The following PARN variants were observed in gnomAD, a reference collection of about 807,000 sequenced individuals.
PARN encodes the protein poly(A)-specific ribonuclease PARN.
Under a neutral mutation model 102.8 loss-of-function variants are expected in PARN, and 71 were observed. That is an observed-to-expected ratio of 0.69 (90% confidence interval 0.57 to 0.84). The LOEUF is 0.84. Ranked by LOEUF, PARN falls within the 40% of genes least tolerant of loss-of-function variation. The pLI, the probability that PARN is intolerant of heterozygous loss-of-function variation, is 0.00. For synonymous variants in PARN, 261 were observed against 252.9 expected (o/e 1.03, Z -0.30); for missense variants, 782 against 760.9 (o/e 1.03, Z -0.33).
intron 21 of PARN, among the ~76,000 whole-genome samples, chr16:14,497,139 C>T (rs560537284): frequency 1.3e-5 from 2 of 152,150 alleles, no homozygotes; most frequent in Admixed American, 6.5e-5. Flanking sequence ...CACTCTCATA[C>T]GTCCTTTTCT....
chr16:14,567,930 G>A (rs1012185436), intron 18 of PARN, among the ~76,000 whole-genome samples: 1 of 152,208 alleles, frequency 6.6e-6, no homozygotes, highest in African/African-American at 2.4e-5. Context: ...CAGTTATAAA[G>A]TGTTTTCTTA....
intron 18 of PARN, among the ~76,000 whole-genome samples, chr16:14,569,187 G>A (rs1430119052): frequency 1.3e-5 from 2 of 151,742 alleles, no homozygotes. Context: ...ACTCCAGCCT[G>A]GGCGATGGAG....
intron 21 of PARN, among the ~76,000 whole-genome samples, chr16:14,534,221 G>GAAAAAAA (rs1214382920): frequency 1.7e-5 from 1 of 59,386 alleles, no homozygotes. Flanking sequence ...CCCTGTCTCA[G>GAAAAAAA]AAAAAAAAAA....
chr16:14,459,913 C>T (rs950516599), intron 22 of PARN, among the ~76,000 whole-genome samples: 1 of 152,094 alleles, frequency 6.6e-6, no homozygotes, highest in African/African-American at 2.4e-5. Context: ...TAAAATAGTG[C>T]TGGAATAATT....
chr16:14,580,381 G>C (rs1188121911), intron 18 of PARN, among the ~76,000 whole-genome samples: 1 of 151,852 alleles, frequency 6.6e-6, no homozygotes, highest in Non-Finnish European at 1.5e-5. Flanking sequence ...TCTGCCACCT[G>C]GGTTGAAGCA....
At chr16:14,515,858 T>G (rs1307618867) in intron 21 of PARN, among the ~76,000 whole-genome samples, 2 of 152,134 alleles carry the variant, frequency 1.3e-5, no homozygotes, top group African/African-American at 2.4e-5. Flanking sequence ...GAGGATTGCT[T>G]GAGGCCAGGA....
chr16:14,517,382 A>G (rs557445918), intron 21 of PARN, among the ~76,000 whole-genome samples: 1 of 152,276 alleles, frequency 6.6e-6, no homozygotes. Context: ...ACATGGGGAG[A>G]GGCTCCCACT....
intron 18 of PARN, among the ~76,000 whole-genome samples, chr16:14,579,127 C>G (rs1435393047): frequency 6.6e-6 from 1 of 152,020 alleles, no homozygotes; most frequent in Non-Finnish European, 1.5e-5. Flanking sequence ...GCTGGGAATA[C>G]AGGCTAATTT....
intron 21 of PARN, among the ~76,000 whole-genome samples, chr16:14,494,868 A>T (rs1028456705): frequency 6.6e-6 from 1 of 152,192 alleles, no homozygotes; most frequent in East Asian, 1.9e-4. Context: ...GGGTTGTGCC[A>T]TCTGGGACCA....
intron 21 of PARN, among the ~76,000 whole-genome samples, chr16:14,487,286 C>T (rs1025756315): frequency 1.3e-5 from 2 of 152,216 alleles, no homozygotes; most frequent in African/African-American, 4.8e-5. Context: ...TTTATATATA[C>T]ATTTTAACAA....
At chr16:14,558,257 A>G (rs1567383357) in intron 18 of PARN, 1 of 152,172 alleles carries the variant, frequency 6.6e-6, no homozygotes, top group South Asian at 2.1e-4. Context: ...ACACGGTGAA[A>G]CCCTGTCTCT....
At chr16:14,459,800 A>G (rs1961863583) in intron 22 of PARN, among the ~76,000 whole-genome samples, 1 of 152,236 alleles carries the variant, frequency 6.6e-6, no homozygotes, top group South Asian at 2.1e-4. Flanking sequence ...GAAAGAACAG[A>G]CATATAGATC....
chr16:14,503,906 G>C (rs1165411425), intron 21 of PARN, among the ~76,000 whole-genome samples: 2 of 152,202 alleles, frequency 1.3e-5, no homozygotes, highest in East Asian at 1.9e-4. Flanking sequence ...TGTCAAGGAA[G>C]ATACAAAGTA....
At chr16:14,598,482 T>C (rs1970663456) in intron 12 of PARN, among the ~76,000 whole-genome samples, 1 of 152,174 alleles carries the variant, frequency 6.6e-6, no homozygotes, top group Non-Finnish European at 1.5e-5. Context: ...CTCTGAATTT[T>C]AGGGCCCGCC....
intron 21 of PARN, among the ~76,000 whole-genome samples, chr16:14,504,368 G>A (rs1007328398): frequency 6.6e-6 from 1 of 152,072 alleles, no homozygotes; most frequent in Non-Finnish European, 1.5e-5. Context: ...GATCAGCCTG[G>A]CCAACATGGT....
intron 11 of PARN, among the ~76,000 whole-genome samples, chr16:14,602,654 G>A (rs948743879): frequency 2.6e-5 from 4 of 152,128 alleles, no homozygotes; most frequent in Non-Finnish European, 4.4e-5. Context: ...ACTCATCTGC[G>A]TCTTGGCACA....
chr16:14,547,098 AAAAAAAAAG>A (rs1966997101), intron 21 of PARN, among the ~76,000 whole-genome samples: 1 of 151,768 alleles, frequency 6.6e-6, no homozygotes, highest in South Asian at 2.1e-4. Flanking sequence ...GTCTCAAAAA[AAAAAAAAAG>A]AAAAAAAAAG....
At chr16:14,506,371 T>C (rs1689507531) in intron 21 of PARN, among the ~76,000 whole-genome samples, 1 of 152,192 alleles carries the variant, frequency 6.6e-6, no homozygotes, top group Non-Finnish European at 1.5e-5. Context: ...GGGACATTAT[T>C]AGGACATTTG....
At chr16:14,550,981 G>C (rs772908888) in intron 21 of PARN, among the ~76,000 whole-genome samples, 11 of 151,350 alleles carry the variant, frequency 7.3e-5, no homozygotes, top group Non-Finnish European at 1.6e-4. Context: ...TTTTTTTCAA[G>C]ACAGGGTCTC....
Sources: gnomAD v4.1 joint callset for allele counts (sites outside exome capture counted in the v4.1 genomes callset) on GRCh38, gnomAD v4.1.1 for gene constraint, MANE v1.5 for transcripts, NCBI Gene and HGNC (gene_info 2026-07-23, HGNC 2026-07-21) for gene names.